Variants in PXDNL observed in about 807,000 individuals in gnomAD.
The protein encoded by PXDNL is peroxidasin like.
PXDNL carries 145 observed loss-of-function variants against 150.8 expected under a neutral mutation model. The observed-to-expected ratio is 0.96, with a 90% CI of 0.84 to 1.10. The LOEUF (loss-of-function observed/expected upper bound fraction) is 1.10. Ranked by LOEUF, PXDNL falls within the 50% of genes least tolerant of loss-of-function variation. PXDNL has a pLI of 0.00. For synonymous variants in PXDNL, 757 were observed against 725.7 expected, an observed-to-expected ratio of 1.04 and a Z score of -0.69; for missense variants, 2,087 against 1,873.9, an observed-to-expected ratio of 1.11 and a Z score of -2.10.
chr8:51,643,881 A>G lies in PXDNL; in HGVS notation c.236+10808T>C, dbSNP rs532216405. 1.9e-4 allele frequency among the ~76,000 whole-genome samples: 29 copies of G among 152,324 alleles called. No individual in the cohort carries two copies. The South Asian group carries it at 6.0e-3, about 32-fold the overall frequency. Reference sequence around the variant, plus strand: ...AACCCCATCAAAAAATGGGTGAAGGATATGAACAGACACTTCTCAAAAGAA... The same window carrying G: ...AACCCCATCAAAAAATGGGTGAAGGGTATGAACAGACACTTCTCAAAAGAA... On this transcript the variant is annotated intron_variant, in intron 2 of 22. Transcript: ENST00000356297.
intron 12 of PXDNL, among the ~76,000 whole-genome samples, chr8:51,437,311 G>A (rs939055619): frequency 3.3e-5 from 5 of 152,054 alleles, no homozygotes; most frequent in African/African-American, 7.2e-5. Context: ...AGACAGAGAC[G>A]GGGGAATTTT....
chr8:51,441,180 C>A (rs1157298982), intron 12 of PXDNL, among the ~76,000 whole-genome samples: 3 of 152,156 alleles, frequency 2.0e-5, no homozygotes, highest in Non-Finnish European at 4.4e-5. Flanking sequence ...GGCACTCATT[C>A]TCTCTCCTGC....
Position 51,424,195 on chromosome 8 carries a change from C to T in PXDNL, c.1639-464G>A, listed in dbSNP as rs181707171. 2.4e-3 allele frequency among the ~76,000 whole-genome samples: 366 copies of T among 151,840 alleles called. 2 individuals carry two copies. Among genetic ancestry groups the T allele is most frequent in the Middle Eastern group, 0.01 (3 of 292 alleles). ...CTGGGTGACATAGCAAGACCCCATCCCTACAAAAAAAAATAGAACAAAAGT... is the reference window on the plus strand; with the variant it reads ...CTGGGTGACATAGCAAGACCCCATCTCTACAAAAAAAAATAGAACAAAAGT... On this transcript the variant is annotated intron_variant, in intron 13 of 22. Transcript: ENST00000356297.
At chr8:51,435,373 G>GTTTA (rs1809371532) in intron 12 of PXDNL, among the ~76,000 whole-genome samples, 3 of 151,290 alleles carry the variant, frequency 2.0e-5, no homozygotes, top group South Asian at 4.2e-4. Flanking sequence ...GCTTGTTTTT[G>GTTTA]TTTGTTTGTT....
chr8:51,406,266 C>T (rs528088647), intron 17 of PXDNL, among the ~76,000 whole-genome samples: 80 of 152,290 alleles, frequency 5.3e-4, no homozygotes, highest in African/African-American at 1.9e-3. Context: ...ATAATCTACC[C>T]ACAGGAAACA....
At position 51,591,615 on chromosome 8, in the gene PXDNL, C is replaced by T. The variant is rs541332669; in HGVS notation, c.308+1012G>A. Among the ~76,000 whole-genome samples the T allele has an allele frequency of 9.3e-5, 14 of 149,884 alleles. No homozygotes were observed. The South Asian group carries it at 2.6e-3, about 28-fold the overall frequency. On this transcript the variant is annotated intron_variant, in intron 3 of 22. Transcript: ENST00000356297. ...ATATTTGTATAAAAATGTTCATTAT[C>T]GCCTTAGCATTTTTTTTTTTTGAGA...
intron 13 of PXDNL, among the ~76,000 whole-genome samples, chr8:51,426,411 C>T (rs1809099813): frequency 6.6e-6 from 1 of 151,752 alleles, no homozygotes; most frequent in African/African-American, 2.4e-5. Context: ...GTGTTCATCA[C>T]CAGGCAAATT....
chr8:51,757,072 T>C (rs1048137749), intron 1 of PXDNL, among the ~76,000 whole-genome samples: 2 of 152,242 alleles, frequency 1.3e-5, no homozygotes, highest in Non-Finnish European at 2.9e-5. Context: ...GGTATACTTT[T>C]CTCTGATAGT....
intron 2 of PXDNL, among the ~76,000 whole-genome samples, chr8:51,650,266 A>T (rs1815005705): frequency 6.6e-6 from 1 of 152,180 alleles, no homozygotes; most frequent in African/African-American, 2.4e-5. Context: ...ACAGGCATAG[A>T]TTAAAAAAAA....
intron 1 of PXDNL, among the ~76,000 whole-genome samples, chr8:51,689,584 T>C (rs965584315): frequency 7.2e-5 from 11 of 152,068 alleles, no homozygotes; most frequent in East Asian, 1.9e-4. Flanking sequence ...CTTTTTTTTT[T>C]CCCTAATAAG....
intron 1 of PXDNL, among the ~76,000 whole-genome samples, chr8:51,703,008 C>G (rs528042051): frequency 2.0e-5 from 3 of 152,136 alleles, no homozygotes; most frequent in Admixed American, 6.6e-5. Flanking sequence ...TCAGAATAAT[C>G]TTTTTCAGTG....
At chr8:51,519,058 T>A (rs574236768) in intron 4 of PXDNL, among the ~76,000 whole-genome samples, 31 of 152,154 alleles carry the variant, frequency 2.0e-4, no homozygotes, top group Non-Finnish European at 4.0e-4. Context: ...ATTAGGAAAG[T>A]GAAAGTACTG....
At position 51,556,896 on chromosome 8, in the gene PXDNL, A is replaced by T. The variant is rs1414504062; in HGVS notation, c.324T>A (p.Asn108Lys). 6.4e-7 allele frequency: 1 copy of T among 1,565,064 alleles called. No individual in the cohort carries two copies. Among genetic ancestry groups the T allele is most frequent in the Non-Finnish European group, 8.8e-7 (1 of 1,136,302 alleles). ...ENLLYLYLYKNEIHALDKQTF... is the reference protein window; with the variant it reads ...ENLLYLYLYKKEIHALDKQTF... Reference sequence around the variant, plus strand: ...TTTGCTTATCTAGTGCATGGATTTCATTCTTATACAGGTACCTGGAAAATA... The same window carrying T: ...TTTGCTTATCTAGTGCATGGATTTCTTTCTTATACAGGTACCTGGAAAATA... The change falls in exon 4 of 23, where the codon AAT becomes AAA. Residue 108 changes from asparagine (N) to lysine (K), a missense_variant. Physicochemically the swap from Asn to Lys is moderately conservative, Grantham distance 94 (BLOSUM62 0). Transcript: ENST00000356297.
chr8:51,336,948 A>T (rs866820363), intron 21 of PXDNL, among the ~76,000 whole-genome samples: 1 of 152,158 alleles, frequency 6.6e-6, no homozygotes, highest in African/African-American at 2.4e-5. Flanking sequence ...AGAGATCTAG[A>T]GCTAACTTTT....
rs551146723 is a variant in PXDNL, at chr8:51,644,827, G to T, written c.236+9862C>A. ...AGCGTGAAGGGGGCTGAGTCTAGGA[G>T]CTCACGTCAGAAAAGGGCCCCAGGC... On this transcript the variant is annotated intron_variant, in intron 2 of 22. Transcript: ENST00000356297. Among the ~76,000 whole-genome samples the T allele has an allele frequency of 1.9e-3, 291 of 151,874 alleles. 1 individual carries two copies. The highest frequency in any genetic ancestry group is 6.8e-3 in the African/African-American group (281 of 41,426).
At position 51,336,550 on chromosome 8, in the gene PXDNL, G is replaced by A. The variant is rs10106106; in HGVS notation, c.4146+3074C>T. On this transcript the variant is annotated intron_variant, in intron 21 of 22. Coordinates refer to ENST00000356297, the MANE Select transcript of PXDNL (RefSeq NM_144651.5). ...TTGGCCCTCACAAAAGTCTGTCTTCGTCATCCCCATCTACCTTTGGGTGCT... is the reference window on the plus strand; with the variant it reads ...TTGGCCCTCACAAAAGTCTGTCTTCATCATCCCCATCTACCTTTGGGTGCT... Among the ~76,000 whole-genome samples, 517 of 152,236 alleles carry A rather than the reference G, an allele frequency of 3.4e-3. 4 individuals carry two copies. Among genetic ancestry groups the A allele is most frequent in the African/African-American group, 0.012 (496 of 41,546 alleles).
At chr8:51,398,435 G>T (rs1267371950) in intron 17 of PXDNL, among the ~76,000 whole-genome samples, 1 of 152,240 alleles carries the variant, frequency 6.6e-6, no homozygotes, top group Non-Finnish European at 1.5e-5. Flanking sequence ...CAGGGCAACT[G>T]CTGCAGGAAG....
intron 1 of PXDNL, among the ~76,000 whole-genome samples, chr8:51,772,777 T>C (rs962656686): frequency 5.3e-5 from 8 of 152,118 alleles, no homozygotes; most frequent in African/African-American, 1.9e-4. Flanking sequence ...GCAGAGTTAA[T>C]GAAGTTAGAG....
At chr8:51,506,987 C>CT (rs1295558020) in intron 4 of PXDNL, among the ~76,000 whole-genome samples, 2 of 152,034 alleles carry the variant, frequency 1.3e-5, no homozygotes, top group Non-Finnish European at 2.9e-5. Context: ...ATCAACAGTA[C>CT]TTTTTTTTCC....
Sources: gnomAD v4.1 joint callset for allele counts (sites outside exome capture counted in the v4.1 genomes callset) on GRCh38, gnomAD v4.1.1 for gene constraint, MANE v1.5 for transcripts, NCBI Gene and HGNC (gene_info 2026-07-23, HGNC 2026-07-21) for gene names.